PDE7B: variants seen among roughly 807,000 people sequenced by gnomAD.
The protein encoded by PDE7B is phosphodiesterase 7B.
In PDE7B, 29 loss-of-function variants were observed where a neutral mutation model predicts 56.2. The observed-to-expected ratio is 0.52, with a 90% CI of 0.38 to 0.70. PDE7B has a LOEUF of 0.70. Among genes scored for constraint, PDE7B ranks in the 30% least tolerant of loss-of-function variants. The pLI is 0.00. For synonymous variants in PDE7B, 197 were observed against 196.9 expected, an observed-to-expected ratio of 1.00 and a Z score of 0.00; for missense variants, 490 against 565.0, an observed-to-expected ratio of 0.87 and a Z score of 1.35.
intron 2 of PDE7B, among the ~76,000 whole-genome samples, chr6:136,090,364 A>G (rs1468014884): frequency 6.6e-6 from 1 of 152,190 alleles, no homozygotes; most frequent in Non-Finnish European, 1.5e-5. Context: ...AGGAATTTAG[A>G]GAATTTGTGC....
At chr6:136,112,946 C>T (rs1777772364) in intron 3 of PDE7B, among the ~76,000 whole-genome samples, 1 of 152,020 alleles carries the variant, frequency 6.6e-6, no homozygotes, top group Non-Finnish European at 1.5e-5. Context: ...ATTAATAGTG[C>T]CATTTTTCAT....
At chr6:136,099,889 G>C (rs953377913) in intron 2 of PDE7B, among the ~76,000 whole-genome samples, 1 of 152,120 alleles carries the variant, frequency 6.6e-6, no homozygotes, top group Non-Finnish European at 1.5e-5. Context: ...TTTTCCTCTA[G>C]GGTTTTTGTG....
intron 2 of PDE7B, among the ~76,000 whole-genome samples, chr6:135,994,228 G>A (rs976162761): frequency 3.5e-4 from 53 of 151,802 alleles, no homozygotes; most frequent in African/African-American, 1.2e-3. Context: ...CACTGAGATT[G>A]TGTCTTGTGA....
chr6:136,158,253 T>TA (rs1778643874), intron 8 of PDE7B, among the ~76,000 whole-genome samples: 1 of 152,218 alleles, frequency 6.6e-6, no homozygotes, highest in Non-Finnish European at 1.5e-5. Context: ...CATGCACATT[T>TA]TCCTAGGGAG....
At chr6:136,057,277 C>T (rs1776752790) in intron 2 of PDE7B, among the ~76,000 whole-genome samples, 1 of 152,226 alleles carries the variant, frequency 6.6e-6, no homozygotes, top group Non-Finnish European at 1.5e-5. Context: ...CACATTCCCT[C>T]ATCCATGGTT....
At chr6:135,983,148 A>T (rs1179877997) in intron 2 of PDE7B, among the ~76,000 whole-genome samples, 2 of 152,226 alleles carry the variant, frequency 1.3e-5, no homozygotes, top group Non-Finnish European at 2.9e-5. Context: ...TCATTGTGGT[A>T]GGTAGACAAA....
intron 2 of PDE7B, among the ~76,000 whole-genome samples, chr6:136,010,172 A>G (rs1304390747): frequency 1.3e-5 from 2 of 152,176 alleles, no homozygotes; most frequent in African/African-American, 2.4e-5. Context: ...TTACTTATCC[A>G]AAAGTCATTC....
chr6:136,146,211 A>T lies in PDE7B; in HGVS notation c.167-1140A>T, dbSNP rs530149132. On this transcript the variant is annotated intron_variant, in intron 3 of 12. Coordinates refer to ENST00000308191, the MANE Select transcript of PDE7B (RefSeq NM_018945.4). The stretch of plus-strand genomic sequence containing the variant: ...AGGACAGAAGCCCAAATTACTTTAC[A>T]TATGAGCCGTACATTTCCTACTAGA... 2.6e-5 allele frequency among the ~76,000 whole-genome samples: 4 copies of T among 152,328 alleles called. No homozygotes were observed. In the South Asian group the frequency reaches 8.3e-4, roughly 32 times the overall value.
rs573547773 is a variant in PDE7B, at chr6:136,163,217, C to G, written c.711+7459C>G. Reference sequence around the variant, plus strand: ...AGAAACTCATGCCTGGACATACAGGCATTTCTGTACATCCTTTGAAATCTA... The same window carrying G: ...AGAAACTCATGCCTGGACATACAGGGATTTCTGTACATCCTTTGAAATCTA... On this transcript the variant is annotated intron_variant, in intron 8 of 12. Transcript: ENST00000308191. Among the ~76,000 whole-genome samples the G allele has an allele frequency of 3.3e-5, 5 of 152,360 alleles. No individual in the cohort carries two copies. In the East Asian group the frequency reaches 9.6e-4, roughly 29 times the overall value.
chr6:136,016,441 G>A (rs187760827), intron 2 of PDE7B, among the ~76,000 whole-genome samples: 11 of 152,310 alleles, frequency 7.2e-5, no homozygotes, highest in South Asian at 4.1e-4. Context: ...TGCTAACTAC[G>A]TACCTGGCAC....
At chr6:135,916,239 G>A (rs1170498206) in intron 1 of PDE7B, among the ~76,000 whole-genome samples, 1 of 151,880 alleles carries the variant, frequency 6.6e-6, no homozygotes, top group Non-Finnish European at 1.5e-5. Flanking sequence ...TTGTTGTTGT[G>A]TTAAGTTTAG....
chr6:136,157,677 T>C (rs1466557551), intron 8 of PDE7B, among the ~76,000 whole-genome samples: 2 of 151,882 alleles, frequency 1.3e-5, no homozygotes, highest in Non-Finnish European at 2.9e-5. Context: ...GATGGGAAGA[T>C]GGGGGAAGGA....
chr6:136,116,460 A>G (rs1444512750), intron 3 of PDE7B, among the ~76,000 whole-genome samples: 7 of 152,246 alleles, frequency 4.6e-5, no homozygotes, highest in Non-Finnish European at 1.5e-5. Context: ...CAATGAATCC[A>G]AAGAAATGTA....
At chr6:135,876,001 G>A (rs1054223236) in intron 1 of PDE7B, among the ~76,000 whole-genome samples, 8 of 152,256 alleles carry the variant, frequency 5.3e-5, no homozygotes, top group African/African-American at 1.9e-4. Context: ...ATTTGGGGAG[G>A]AAAGTGGCTG....
At chr6:135,865,657 G>GGA (rs138434061) in intron 1 of PDE7B, among the ~76,000 whole-genome samples, 5,918 of 146,716 alleles carry the variant, frequency 0.04, 296 homozygotes, top group African/African-American at 0.12. Context: ...GTGTATGTGT[G>GGA]GAGAGAGAGA....
At chr6:136,172,047 T>A (rs1016104685) in intron 8 of PDE7B, among the ~76,000 whole-genome samples, 1 of 152,094 alleles carries the variant, frequency 6.6e-6, no homozygotes. Context: ...TTGTTGGACA[T>A]TTGGGTTGGT....
intron 2 of PDE7B, chr6:136,035,391 C>T (rs1351539263): frequency 1.3e-5 from 2 of 152,180 alleles, no homozygotes; most frequent in South Asian, 2.1e-4. Context: ...AGGTTTTAGT[C>T]CAGCAAGTAC....
At chr6:136,129,302 G>A (rs1770265903) in intron 3 of PDE7B, among the ~76,000 whole-genome samples, 1 of 152,174 alleles carries the variant, frequency 6.6e-6, no homozygotes, top group South Asian at 2.1e-4. Context: ...CAATAGGATG[G>A]TGCTAAGTCT....
chr6:135,905,761 T>C (rs1290854019), intron 1 of PDE7B, among the ~76,000 whole-genome samples: 1 of 152,164 alleles, frequency 6.6e-6, no homozygotes, highest in African/African-American at 2.4e-5. Flanking sequence ...AGCATGACGC[T>C]AAACGCACTA....
Sources: gnomAD v4.1 joint callset for allele counts (sites outside exome capture counted in the v4.1 genomes callset) on GRCh38, gnomAD v4.1.1 for gene constraint, MANE v1.5 for transcripts, NCBI Gene and HGNC (gene_info 2026-07-23, HGNC 2026-07-21) for gene names.